MTF1: variants seen among roughly 807,000 people sequenced by gnomAD.
MTF1 encodes the protein MRE-binding transcription factor.
In MTF1, 22 loss-of-function variants were observed where a neutral mutation model predicts 70.4. The observed-to-expected ratio is 0.31, with a 90% CI of 0.22 to 0.45. MTF1 has a LOEUF of 0.45. MTF1 is among the 20% of genes least tolerant of loss of function. The pLI is 1.00. For missense variants in MTF1, 649 were observed against 922.0 expected (o/e 0.70, Z 3.83); for synonymous variants, 333 against 352.8 (o/e 0.94, Z 0.63).
Position 37,812,061 on chromosome 1 carries a change from A to C in MTF1, c.*3075T>G, listed in dbSNP as rs1218945224. 1 of 152,676 alleles carries C rather than the reference A, an allele frequency of 6.5e-6. No individual in the cohort carries two copies. The highest frequency in any genetic ancestry group is 2.4e-5 in the African/African-American group (1 of 41,460). 9.5% of individuals were successfully genotyped at this position (152,676 alleles called of 1,614,324 possible). ...TAAGCACCCTTTGAAGCGGTTGTCT[A>C]ATTGGAGATGTTAGTAGGAGCTAGA... On this transcript the variant is annotated 3_prime_UTR_variant, in exon 11 of 11. Coordinates refer to ENST00000373036, the MANE Select transcript of MTF1 (RefSeq NM_005955.3).
At chr1:37,858,167 A>C (rs1168986876) in intron 1 of MTF1, among the ~76,000 whole-genome samples, 1 of 152,246 alleles carries the variant, frequency 6.6e-6, no homozygotes, top group African/African-American at 2.4e-5. Flanking sequence ...GCAGCTGCTG[A>C]AAGGCTGAGT....
intron 2 of MTF1, among the ~76,000 whole-genome samples, chr1:37,856,170 C>CTTTTT (rs869062644): frequency 4.6e-4 from 34 of 74,186 alleles, no homozygotes; most frequent in African/African-American, 5.6e-4. Flanking sequence ...CCTGAATTTC[C>CTTTTT]TTTTTTTTTT....
intron 7 of MTF1, among the ~76,000 whole-genome samples, chr1:37,827,604 C>T (rs750728627): frequency 2.2e-4 from 33 of 151,978 alleles, no homozygotes; most frequent in Non-Finnish European, 3.4e-4. Flanking sequence ...CTTCGTGATC[C>T]ACCCGCCTCG....
In MTF1 at chr1:37,815,151, G is replaced by A. The variant is rs1377370414; in HGVS notation, c.2247C>T (p.Ser749=). Residue 749 remains serine (S), a synonymous_variant, in exon 11 of 11, where the codon AGC becomes AGT. Transcript: ENST00000373036. The surrounding 1 kb of genome is among the most constrained non-coding windows in gnomAD (Gnocchi z 4.5). ...LQGEEEMGLT[S]SFSK ...CATGGGCCCTTCACTTGGAGAAGCT[G>A]CTGGTGAGGCCCATCTCCTCCTCCC... The A allele has an allele frequency of 6.2e-7, 1 of 1,614,044 alleles. No individual in the cohort carries two copies. Among genetic ancestry groups the A allele is most frequent in the Non-Finnish European group, 8.5e-7 (1 of 1,179,962 alleles).
At position 37,814,093 on chromosome 1, in the gene MTF1, G is replaced by C. The variant is rs893881821; in HGVS notation, c.*1043C>G. On this transcript the variant is annotated 3_prime_UTR_variant, in exon 11 of 11. Coordinates refer to ENST00000373036, the MANE Select transcript of MTF1 (RefSeq NM_005955.3). ...TGTATGCAAAATCCAGAGGGGGGCA[G>C]AGATGGAGGGGGCAACCCAAAGCCT... The C allele has an allele frequency of 1.3e-5, 2 of 153,098 alleles. No individual in the cohort carries two copies. The highest frequency in any genetic ancestry group is 4.8e-5 in the African/African-American group (2 of 41,302). 9.5% of individuals were successfully genotyped at this position (153,098 alleles called of 1,614,324 possible). A position where few individuals can be genotyped will look rare whatever the true frequency, so the allele number is the denominator to read the frequency against.
In MTF1 at chr1:37,815,261, T is replaced by G. The variant is rs1457457616; in HGVS notation, c.2137A>C (p.Ser713Arg). 5 of 1,614,050 alleles carry G rather than the reference T, an allele frequency of 3.1e-6. No homozygotes were observed. Among genetic ancestry groups the G allele is most frequent in the Non-Finnish European group, 4.2e-6 (5 of 1,180,028 alleles). The part of the protein sequence containing the change: ...TPSDPQTETL[S>R]AMDVSEFLSL... ...AGAAACTCTGACACATCCATGGCAC[T>G]TAATGTTTCTGTCTGAGGGTCTGAA... The change falls in exon 11 of 11, where the codon AGT (serine) becomes CGT (arginine). Residue 713 changes from serine (S) to arginine (R), a missense_variant. Ser to Arg is a moderately radical substitution (Grantham distance 110). This residue lies in a region of MTF1 where 138 missense variants were observed against 134.4 expected (regional missense o/e 1.03). Coordinates refer to ENST00000373036, the MANE Select transcript of MTF1 (RefSeq NM_005955.3). This position sits in a 1 kb window ranked among gnomAD's most constrained non-coding sequence, Gnocchi z 4.5.
chr1:37,819,011 TGAAGAG>T (rs1640868004), intron 9 of MTF1, among the ~76,000 whole-genome samples: 1 of 145,606 alleles, frequency 6.9e-6, no homozygotes, highest in East Asian at 2.0e-4. Context: ...AAAAAAAAAA[TGAAGAG>T]GAAGAGAGGC....
At chr1:37,820,070 A>G (rs2148400960) in intron 9 of MTF1, among the ~76,000 whole-genome samples, 1 of 152,206 alleles carries the variant, frequency 6.6e-6, no homozygotes, top group East Asian at 1.9e-4. Context: ...AGAAAACAAT[A>G]AAAACCACAT....
chr1:37,816,566 T>C (rs980134344), intron 10 of MTF1, among the ~76,000 whole-genome samples: 39 of 151,172 alleles, frequency 2.6e-4, no homozygotes, highest in South Asian at 4.2e-4. Flanking sequence ...TCCCAGCTAC[T>C]TGGGAGACTG....
chr1:37,825,997 G>T (rs1461643011), intron 7 of MTF1, among the ~76,000 whole-genome samples: 1 of 152,190 alleles, frequency 6.6e-6, no homozygotes, highest in Admixed American at 6.5e-5. Context: ...GGGGTTATGG[G>T]TTGGGAGGCC....
intron 2 of MTF1, among the ~76,000 whole-genome samples, chr1:37,848,147 AC>A (rs1460333835): frequency 6.6e-6 from 1 of 152,146 alleles, no homozygotes; most frequent in African/African-American, 2.4e-5. Context: ...CTAACAAAGA[AC>A]ATTTTAACCT....
intron 4 of MTF1, 31 bp downstream of exon 4, chr1:37,838,594 T>G (rs756739072): frequency 6.3e-7 from 1 of 1,587,572 alleles, no homozygotes; most frequent in Non-Finnish European, 8.6e-7. Flanking sequence ...TGAAACCTGG[T>G]CAGTGACAAA....
chr1:37,835,367 A>C, intron 5 of MTF1, 152 bp from the exon 6 acceptor site: 1 of 686,920 alleles, frequency 1.5e-6, no homozygotes, highest in Non-Finnish European at 2.5e-6. Context: ...TAATCATCTC[A>C]GTCCTCAAAC....
rs1167285745 is a variant in MTF1, at chr1:37,811,538, A to T, written c.*3598T>A. On this transcript the variant is annotated 3_prime_UTR_variant, in exon 11 of 11. Transcript: ENST00000373036. ...AGAAATTGCAGCAATCGGGTTAAAG[A>T]TAAAATAACCTAAAGTGCTTTTTTA... The T allele has an allele frequency of 6.6e-6, 1 of 152,550 alleles. No individual in the cohort carries two copies. The highest frequency in any genetic ancestry group is 6.5e-5 in the Admixed American group (1 of 15,292). 9.4% of individuals were successfully genotyped at this position (152,550 alleles called of 1,614,324 possible). A position where few individuals can be genotyped will look rare whatever the true frequency, so the allele number is the denominator to read the frequency against.
chr1:37,829,504 C>T lies in MTF1; in HGVS notation c.1068+2741G>A, dbSNP rs563475342. 3.6e-3 allele frequency among the ~76,000 whole-genome samples: 539 copies of T among 151,614 alleles called. 5 individuals carry two copies. The highest frequency in any genetic ancestry group is 0.012 in the African/African-American group (492 of 41,384). On this transcript the variant is annotated intron_variant, in intron 7 of 10. Transcript: ENST00000373036. ...CAAGCAAAGAAAATTTAATCCTGGC[C>T]GGGCGCGGTGGCTCACACCTGTAAT...
At chr1:37,826,624 C>CT (rs34242072) in intron 7 of MTF1, 46,162 of 344,914 alleles carry the variant, frequency 0.13, 1 homozygote, top group South Asian at 0.2. Flanking sequence ...TCAGTGATTC[C>CT]TTTTTTTTTT....
intron 2 of MTF1, among the ~76,000 whole-genome samples, chr1:37,846,316 A>G (rs1489059872): frequency 1.3e-5 from 2 of 151,720 alleles, no homozygotes; most frequent in Non-Finnish European, 2.9e-5. Context: ...GACCTTAGAA[A>G]GGCTTCTTGA....
chr1:37,844,390 T>G (rs1243098696), intron 2 of MTF1, among the ~76,000 whole-genome samples: 2 of 152,232 alleles, frequency 1.3e-5, no homozygotes, highest in Non-Finnish European at 2.9e-5. Context: ...TACACGCTCC[T>G]TCACCATCAT....
intron 7 of MTF1, among the ~76,000 whole-genome samples, chr1:37,827,608 C>A (rs922510756): frequency 6.6e-6 from 1 of 151,926 alleles, no homozygotes; most frequent in African/African-American, 2.4e-5. Context: ...GTGATCCACC[C>A]GCCTCGGCCT....
Sources: gnomAD v4.1 joint callset for allele counts (sites outside exome capture counted in the v4.1 genomes callset) on GRCh38, gnomAD v4.1.1 for gene constraint, gnomAD v4.1.1 regional missense constraint, Gnocchi (gnomAD v3.1) non-coding constraint, MANE v1.5 for transcripts, NCBI Gene and HGNC (gene_info 2026-07-23, HGNC 2026-07-21) for gene names.